Variants in GRM7 observed in about 807,000 individuals in gnomAD.
GRM7 encodes the protein glutamate metabotropic receptor 7.
In GRM7, 35 loss-of-function variants were observed where a neutral mutation model predicts 84.5. That is an observed-to-expected ratio of 0.41 (90% confidence interval 0.32 to 0.55). The LOEUF is 0.55. Among genes scored for constraint, GRM7 ranks in the 20% least tolerant of loss-of-function variants. The pLI, the probability that GRM7 is intolerant of heterozygous loss-of-function variation, is 0.19. For missense variants in GRM7, 1,003 were observed against 1,194.6 expected (o/e 0.84, Z 2.36); for synonymous variants, 487 against 455.1 (o/e 1.07, Z -0.89).
intron 8 of GRM7, among the ~76,000 whole-genome samples, chr3:7,620,459 T>A (rs965291606): frequency 5.9e-5 from 9 of 152,150 alleles, no homozygotes; most frequent in Non-Finnish European, 1.3e-4. Context: ...TTATGACTTA[T>A]AGCCATAGCT....
At chr3:7,459,745 G>C (rs1473560537) in intron 6 of GRM7, among the ~76,000 whole-genome samples, 3 of 152,098 alleles carry the variant, frequency 2.0e-5, no homozygotes, top group African/African-American at 7.2e-5. Context: ...TTCAAGATGA[G>C]ATTTGAGTGG....
In GRM7 at chr3:7,038,945, G is replaced by C. The variant is rs145718957; in HGVS notation, c.520-107507G>C. ...GTCATCAGAGGGCAGCAACATAATC[G>C]TCTCCTGGAAACTACATATGCAAAT... On this transcript the variant is annotated intron_variant, in intron 1 of 9. Transcript: ENST00000357716. Among the ~76,000 whole-genome samples, 4 of 152,034 alleles carry C rather than the reference G, an allele frequency of 2.6e-5. No individual in the cohort carries two copies. In the East Asian group the frequency reaches 7.8e-4, roughly 29 times the overall value.
At chr3:7,563,393 T>C (rs969101322) in intron 7 of GRM7, among the ~76,000 whole-genome samples, 1 of 152,176 alleles carries the variant, frequency 6.6e-6, no homozygotes, top group Admixed American at 6.6e-5. Context: ...AGGTTCCATA[T>C]TACTTTTCAG....
At chr3:6,922,173 G>A (rs1697150420) in intron 1 of GRM7, among the ~76,000 whole-genome samples, 1 of 152,146 alleles carries the variant, frequency 6.6e-6, no homozygotes, top group South Asian at 2.1e-4. Flanking sequence ...AGATCACATA[G>A]CCCATGCTTT....
At chr3:7,673,628 A>C (rs973936758) in intron 8 of GRM7, among the ~76,000 whole-genome samples, 1 of 152,196 alleles carries the variant, frequency 6.6e-6, no homozygotes, top group African/African-American at 2.4e-5. Context: ...TTTACCTGAT[A>C]AAAAGTGACC....
intron 8 of GRM7, among the ~76,000 whole-genome samples, chr3:7,635,140 C>T (rs1698034554): frequency 6.6e-6 from 1 of 152,216 alleles, no homozygotes; most frequent in Admixed American, 6.5e-5. Context: ...TCAATTTAAA[C>T]TTGAACAGCA....
chr3:7,443,608 T>G (rs1191620687), intron 5 of GRM7, among the ~76,000 whole-genome samples: 1 of 152,152 alleles, frequency 6.6e-6, no homozygotes, highest in Non-Finnish European at 1.5e-5. Flanking sequence ...TTTTCTGCAT[T>G]TCCTGTAAAT....
intron 7 of GRM7, among the ~76,000 whole-genome samples, chr3:7,511,169 A>G (rs1024619451): frequency 4.6e-5 from 7 of 152,164 alleles, no homozygotes; most frequent in Non-Finnish European, 8.8e-5. Context: ...AATTCCAGAA[A>G]AAGTGAGCCT....
intron 4 of GRM7, among the ~76,000 whole-genome samples, chr3:7,365,638 T>C (rs973329397): frequency 8.9e-4 from 96 of 107,728 alleles, no homozygotes; most frequent in Non-Finnish European, 1.4e-3. Context: ...CATGTGTGTG[T>C]GCGTGTGTGT....
intron 8 of GRM7, among the ~76,000 whole-genome samples, chr3:7,620,886 G>A (rs555918800): frequency 1.3e-5 from 2 of 152,206 alleles, no homozygotes; most frequent in South Asian, 4.1e-4. Flanking sequence ...CCCTGGTGAT[G>A]GTAAAAACCA....
intron 4 of GRM7, among the ~76,000 whole-genome samples, chr3:7,397,019 A>G (rs1695238609): frequency 6.6e-6 from 1 of 152,072 alleles, no homozygotes; most frequent in Non-Finnish European, 1.5e-5. Flanking sequence ...TTCTGTGCCC[A>G]TGGGTTCCAT....
intron 1 of GRM7, among the ~76,000 whole-genome samples, chr3:7,028,041 AT>A (rs112908892): frequency 0.096 from 14,573 of 152,094 alleles, 2,323 homozygotes; most frequent in African/African-American, 0.33. Flanking sequence ...ATCTAACATG[AT>A]TCTACTTAGG....
intron 8 of GRM7, among the ~76,000 whole-genome samples, chr3:7,580,608 T>C (rs1284029864): frequency 6.6e-6 from 1 of 152,190 alleles, no homozygotes. Flanking sequence ...AGAGGGGCTA[T>C]AATTTTGAAC....
At position 6,944,858 on chromosome 3, in the gene GRM7, G is replaced by T. The variant is rs113969360; in HGVS notation, c.519+82951G>T. On this transcript the variant is annotated intron_variant, in intron 1 of 9. Transcript: ENST00000357716. ...CACAAGTTCATTTTCAGCCTACTCA[G>T]GTTCTCTATTTATTAAGTGAGCCCT... Among the ~76,000 whole-genome samples, 201 of 152,164 alleles carry T rather than the reference G, an allele frequency of 1.3e-3. 1 individual carries two copies. Among genetic ancestry groups the T allele is most frequent in the African/African-American group, 4.8e-3 (198 of 41,532 alleles).
At chr3:7,619,853 G>A (rs1697276828) in intron 8 of GRM7, among the ~76,000 whole-genome samples, 1 of 152,164 alleles carries the variant, frequency 6.6e-6, no homozygotes, top group African/African-American at 2.4e-5. Context: ...ACCTTCCTCA[G>A]TAGTCATGGG....
chr3:7,416,154 A>G (rs1696148945), intron 5 of GRM7, among the ~76,000 whole-genome samples: 1 of 152,048 alleles, frequency 6.6e-6, no homozygotes, highest in Non-Finnish European at 1.5e-5. Flanking sequence ...GAACAGAGAG[A>G]ATGTGTGAGC....
chr3:7,346,715 A>G (rs542512152), intron 4 of GRM7, among the ~76,000 whole-genome samples: 1 of 152,188 alleles, frequency 6.6e-6, no homozygotes, highest in East Asian at 1.9e-4. Context: ...ACGTACTACC[A>G]GTGAACTCAG....
At chr3:7,459,505 T>C (rs2124904435) in intron 6 of GRM7, among the ~76,000 whole-genome samples, 1 of 152,222 alleles carries the variant, frequency 6.6e-6, no homozygotes, top group African/African-American at 2.4e-5. Flanking sequence ...CACAGTTCCA[T>C]GAGGCTGGGG....
At chr3:7,181,635 G>A (rs1374281586) in intron 2 of GRM7, among the ~76,000 whole-genome samples, 1 of 152,086 alleles carries the variant, frequency 6.6e-6, no homozygotes, top group Admixed American at 6.6e-5. Flanking sequence ...TTGAGGCAGA[G>A]TCTTGCTCTG....
Sources: allele counts gnomAD v4.1 joint callset (sites outside exome capture counted in the v4.1 genomes callset), GRCh38; gene constraint gnomAD v4.1.1; transcripts MANE v1.5; gene names NCBI Gene and HGNC (gene_info 2026-07-23, HGNC 2026-07-21).